Variants in NUP160 observed in about 807,000 individuals in gnomAD.
NUP160 encodes the protein nuclear pore complex protein Nup160.
A neutral mutation model predicts 196.9 loss-of-function variants in NUP160; 94 were observed. That is an observed-to-expected ratio of 0.48 (90% CI 0.40 to 0.57). The LOEUF is 0.57. Among genes scored for constraint, NUP160 ranks in the 20% least tolerant of loss-of-function variants. The probability of loss-of-function intolerance (pLI) is 0.00; values close to 1 mark genes in which losing one functional copy is unlikely to be tolerated. For missense variants in NUP160, 1,638 were observed against 1,748.3 expected, an observed-to-expected ratio of 0.94 and a Z score of 1.13; for synonymous variants, 605 against 619.7, an observed-to-expected ratio of 0.98 and a Z score of 0.35.
At chr11:47,833,971 A>T (rs536729920) in intron 7 of NUP160, among the ~76,000 whole-genome samples, 1 of 152,234 alleles carries the variant, frequency 6.6e-6, no homozygotes, top group South Asian at 2.1e-4. Context: ...GTATCTTTTC[A>T]CTGTAATACA....
chr11:47,833,583 A>T (rs964550624), intron 7 of NUP160, among the ~76,000 whole-genome samples: 10 of 152,246 alleles, frequency 6.6e-5, no homozygotes, highest in Non-Finnish European at 1.0e-4. Flanking sequence ...CTTCGTATCC[A>T]CTAACATGAA....
exon 27 of NUP160, chr11:47,797,877 C>T: frequency 6.2e-7 from 1 of 1,611,066 alleles, no homozygotes; most frequent in Middle Eastern, 1.6e-4. Flanking sequence ...CTCAATTATT[C>T]CCACAACCTA....
intron 9 of NUP160, 144 bp downstream of exon 9, chr11:47,821,580 G>C (rs1851858061): frequency 1.7e-6 from 1 of 595,550 alleles, no homozygotes; most frequent in Non-Finnish European, 3.0e-6. Flanking sequence ...GCCTGGTCTC[G>C]AACTCCTGAG....
intron 13 of NUP160, 59 bp from the exon 14 acceptor site, chr11:47,813,474 A>T: frequency 9.2e-7 from 1 of 1,085,188 alleles, no homozygotes; most frequent in Non-Finnish European, 1.4e-6. Context: ...GGTATAAAAT[A>T]ATTGAGATGT....
chr11:47,836,963 G>A, exon 6 of NUP160: 1 of 1,613,740 alleles, frequency 6.2e-7, no homozygotes, highest in Non-Finnish European at 8.5e-7. Flanking sequence ...ACAATGAACA[G>A]CAAGACTGAG....
exon 1 of NUP160, chr11:47,848,276 T>A: frequency 6.2e-7 from 1 of 1,614,184 alleles, no homozygotes; most frequent in Non-Finnish European, 8.5e-7. Context: ...TCAGCTCCGC[T>A]TAGCTCCACG....
intron 13 of NUP160, 144 bp downstream of exon 13, chr11:47,815,335 T>C (rs979144183): frequency 2.1e-6 from 1 of 466,148 alleles, no homozygotes; most frequent in Non-Finnish European, 3.6e-6. Context: ...AAAATACAAA[T>C]GCAAAGTCCT....
chr11:47,808,656 T>G, intron 17 of NUP160, 127 bp from the exon 18 acceptor site: 2 of 622,026 alleles, frequency 3.2e-6, no homozygotes, highest in Non-Finnish European at 2.5e-6. Flanking sequence ...AAGCAACACG[T>G]TTTACATTTT....
At chr11:47,831,841 TCAAAAAAAAA>T (rs1565206686) in intron 7 of NUP160, among the ~76,000 whole-genome samples, 1 of 13,256 alleles carries the variant, frequency 7.5e-5, no homozygotes, top group Non-Finnish European at 1.4e-4. Flanking sequence ...AGACTCTCTC[TCAAAAAAAAA>T]AAAAAAAAAA....
intron 24 of NUP160, 25 bp from the exon 25 acceptor site, chr11:47,798,287 A>C (rs779317932): frequency 6.4e-7 from 1 of 1,565,290 alleles, no homozygotes; most frequent in Non-Finnish European, 8.8e-7. Flanking sequence ...TAGATCAAAT[A>C]TCAAAAAGAG....
Position 47,792,767 on chromosome 11 carries a change from G to A in NUP160, c.3450+19C>T, listed in dbSNP as rs778342634. 6 of 1,576,334 alleles carry A rather than the reference G, an allele frequency of 3.8e-6. No individual in the cohort carries two copies. Among genetic ancestry groups the A allele is most frequent in the Non-Finnish European group, 5.2e-6 (6 of 1,160,750 alleles). ...TTCCAGGATGAACCCCCAAATTCCA[G>A]GATGAAATGTTTTCATACCACTGCA... On this transcript the variant is annotated intron_variant, in intron 28 of 35. Coordinates refer to ENST00000378460, the Ensembl canonical transcript of NUP160.
chr11:47,840,069 T>C lies in NUP160; in HGVS notation c.526-4A>G, dbSNP rs369302173. Reference sequence around the variant, plus strand: ...TCTGACTGTCAACTACCAACTCCTGTTGAGTAATTAAAAAGAAAAATCTAT... The same window carrying C: ...TCTGACTGTCAACTACCAACTCCTGCTGAGTAATTAAAAAGAAAAATCTAT... On this transcript the variant is annotated splice_polypyrimidine_tract_variant and splice_region_variant and intron_variant, in intron 3 of 35. Coordinates refer to ENST00000378460, the Ensembl canonical transcript of NUP160. The C allele has an allele frequency of 1.9e-6, 3 of 1,601,324 alleles. No homozygotes were observed. Among genetic ancestry groups the C allele is most frequent in the South Asian group, 1.1e-5 (1 of 90,500 alleles).
chr11:47,843,637 C>T (rs746018690), intron 2 of NUP160, among the ~76,000 whole-genome samples: 1 of 152,108 alleles, frequency 6.6e-6, no homozygotes, highest in Non-Finnish European at 1.5e-5. Flanking sequence ...GTAGAAGTGG[C>T]GGTATAGATG....
chr11:47,807,760 T>C (rs1488374991), intron 18 of NUP160, among the ~76,000 whole-genome samples: 2 of 152,222 alleles, frequency 1.3e-5, no homozygotes, highest in Non-Finnish European at 2.9e-5. Flanking sequence ...ATTTTGTGTA[T>C]GGTCTTTCCT....
At chr11:47,842,148 TC>T (rs1852312541) in intron 2 of NUP160, among the ~76,000 whole-genome samples, 1 of 151,998 alleles carries the variant, frequency 6.6e-6, no homozygotes, top group African/African-American at 2.4e-5. Flanking sequence ...GATACTACCC[TC>T]TCCCAGTTTT....
At chr11:47,834,029 G>A (rs887218742) in intron 7 of NUP160, among the ~76,000 whole-genome samples, 1 of 152,182 alleles carries the variant, frequency 6.6e-6, no homozygotes, top group Admixed American at 6.5e-5. Flanking sequence ...AGTCCTTTCA[G>A]AGTATTACTG....
rs559465825 is a variant in NUP160, at chr11:47,796,929, G to A, written c.3289+850C>T. On this transcript the variant is annotated intron_variant, in intron 27 of 35. Transcript: ENST00000378460. Reference sequence around the variant, plus strand: ...GCTGGTCTCGAACTCCTGACATTAAGCGATCCACCTGCCTCAGCCTCCTCA... The same window carrying A: ...GCTGGTCTCGAACTCCTGACATTAAACGATCCACCTGCCTCAGCCTCCTCA... Among the ~76,000 whole-genome samples the A allele has an allele frequency of 8.6e-4, 131 of 152,304 alleles. 1 individual carries two copies. Among genetic ancestry groups the A allele is most frequent in the African/African-American group, 3.1e-3 (129 of 41,580 alleles).
intron 34 of NUP160, among the ~76,000 whole-genome samples, chr11:47,781,145 C>T (rs529562644): frequency 9.2e-5 from 14 of 152,084 alleles, no homozygotes; most frequent in South Asian, 8.3e-4. Context: ...ATTGCTTGAA[C>T]CCGGGAGGCG....
At chr11:47,783,926 T>C (rs35805829) in intron 33 of NUP160, among the ~76,000 whole-genome samples, 41,894 of 151,548 alleles carry the variant, frequency 0.28, 6,801 homozygotes, top group Middle Eastern at 0.38. Context: ...ATTCCTGACC[T>C]CAGGTGATCT....
Sources: gnomAD v4.1 joint callset for allele counts (sites outside exome capture counted in the v4.1 genomes callset) on GRCh38, gnomAD v4.1.1 for gene constraint, MANE v1.5 for transcripts, NCBI Gene and HGNC (gene_info 2026-07-23, HGNC 2026-07-21) for gene names.